Variants in PSMA2 observed in about 807,000 individuals in gnomAD.
PSMA2 encodes the protein proteasome subunit alpha type-2.
Under a neutral mutation model 35.9 loss-of-function variants are expected in PSMA2, and 2 were observed. The ratio of observed to expected loss-of-function variants is 0.06; its 90% CI spans 0.02 to 0.18. The LOEUF (loss-of-function observed/expected upper bound fraction) is 0.18, where lower values mean the gene tolerates loss of function less well. Ranked by LOEUF, PSMA2 falls within the 10% of genes least tolerant of loss-of-function variation. The pLI is 1.00. For missense variants in PSMA2, 126 were observed against 278.8 expected (o/e 0.45, Z 3.90); for synonymous variants, 97 against 98.2 (o/e 0.99, Z 0.07).
In PSMA2 at chr7:42,926,439, G is replaced by C. The variant is rs1399460109; in HGVS notation, c.251+97C>G. The C allele has an allele frequency of 8.1e-6, 11 of 1,361,406 alleles. No individual in the cohort carries two copies. In the East Asian group the frequency reaches 1.6e-4, roughly 19 times the overall value. The allele number at this position is 1,361,406 out of a possible 1,614,324, so 84.3% of individuals were successfully genotyped here. On this transcript the variant is annotated intron_variant, in intron 3 of 7. Coordinates refer to ENST00000223321, the MANE Select transcript of PSMA2 (RefSeq NM_002787.5). ...AAAGCACACAAAAAAAGAGGAACTGGAAGATTAAAGGAAAACAACCTTGGT... is the reference window on the plus strand; with the variant it reads ...AAAGCACACAAAAAAAGAGGAACTGCAAGATTAAAGGAAAACAACCTTGGT...
At chr7:42,930,227 A>ACACACACACG (rs1786278796) in intron 1 of PSMA2, among the ~76,000 whole-genome samples, 1 of 1,008 alleles carries the variant, frequency 9.9e-4, no homozygotes, top group Non-Finnish European at 8.5e-3. Context: ...ACACACACGC[A>ACACACACACG]CACACACACA....
At chr7:42,923,855 G>T (rs1025327540) in intron 4 of PSMA2, among the ~76,000 whole-genome samples, 1 of 151,026 alleles carries the variant, frequency 6.6e-6, no homozygotes, top group African/African-American at 2.4e-5. Flanking sequence ...ACAATTTTCA[G>T]TTAATGCAGC....
chr7:42,927,135 C>G (rs930075409), intron 2 of PSMA2, among the ~76,000 whole-genome samples: 1 of 151,918 alleles, frequency 6.6e-6, no homozygotes, highest in African/African-American at 2.4e-5. Context: ...AAAAAGAACT[C>G]AGTTTTCTGA....
Position 42,932,169 on chromosome 7 carries a change from A to G in PSMA2, c.-11T>C. 1 of 1,614,110 alleles carries G rather than the reference A, an allele frequency of 6.2e-7. No individual in the cohort carries two copies. Among genetic ancestry groups the G allele is most frequent in the Non-Finnish European group, 8.5e-7 (1 of 1,180,012 alleles). On this transcript the variant is annotated 5_prime_UTR_variant, in exon 1 of 8. Coordinates refer to ENST00000223321, the MANE Select transcript of PSMA2 (RefSeq NM_002787.5). ...CCCGCGCTCCGCCATCTTTACCCGA[A>G]GAGCCAAAGCACAGCCGCACACATG...
chr7:42,920,025 G>C (rs891923330), intron 6 of PSMA2: 1 of 691,216 alleles, frequency 1.4e-6, no homozygotes, highest in Non-Finnish European at 2.7e-6. Context: ...CAAGAGAAGA[G>C]CTAGAAGAAA....
At chr7:42,923,257 T>G (rs1786155114) in intron 5 of PSMA2, 68 bp downstream of exon 5, 1 of 1,207,740 alleles carries the variant, frequency 8.3e-7, no homozygotes. Context: ...TTTTTATGGC[T>G]TCTATTTCTG....
intron 6 of PSMA2, chr7:42,919,729 G>A (rs1041471405): frequency 2.3e-5 from 14 of 600,094 alleles, no homozygotes; most frequent in Non-Finnish European, 4.0e-5. Flanking sequence ...CATTAACTCT[G>A]AATCTCTTCA....
At chr7:42,919,843 C>CTATT in intron 6 of PSMA2, 1 of 743,554 alleles carries the variant, frequency 1.3e-6, no homozygotes, top group Non-Finnish European at 2.5e-6. Context: ...CACTCTGGTC[C>CTATT]TATTCACTGT....
chr7:42,920,466 T>C (rs901641748), intron 6 of PSMA2: 8 of 152,498 alleles, frequency 5.2e-5, no homozygotes, highest in African/African-American at 1.4e-4. Flanking sequence ...AATGTCTTTG[T>C]TGCTATTGTT....
Position 42,917,203 on chromosome 7 carries a change from T to A in PSMA2, c.*371A>T. ...CCTCCCAGCTCTAGAAGCAGTCATG[T>A]TTTTTACCAAAATCAGCATTTTGCT... On this transcript the variant is annotated 3_prime_UTR_variant, in exon 8 of 8. Transcript: ENST00000223321. 1 of 185,094 alleles carries A rather than the reference T, an allele frequency of 5.4e-6. No homozygotes were observed. The highest frequency in any genetic ancestry group is 1.1e-5 in the Non-Finnish European group (1 of 88,438). The allele number at this position is 185,094 out of a possible 1,614,324, so 11.5% of individuals were successfully genotyped here.
chr7:42,917,598 C>T lies in PSMA2; in HGVS notation c.681G>A (p.Lys227=). The part of the protein sequence containing the change: ...GFRRLTPTEV[K]DYLAAIA ...GTTATGCTATGGCAGCCAAGTAATC[C>T]TTAACTTCAGTTGGAGTAAGCCTCC... Residue 227 remains lysine (K), a synonymous_variant, in exon 8 of 8, where the codon AAG becomes AAA. Transcript: ENST00000223321. 1.9e-6 allele frequency: 3 copies of T among 1,612,434 alleles called. No individual in the cohort carries two copies. The highest frequency in any genetic ancestry group is 2.0e-4 in the Middle Eastern group (1 of 4,978).
Position 42,932,172 on chromosome 7 carries a change from GC to G in PSMA2, c.-15del. 1 of 1,614,078 alleles carries G rather than the reference GC, an allele frequency of 6.2e-7. No individual in the cohort carries two copies. The highest frequency in any genetic ancestry group is 8.5e-7 in the Non-Finnish European group (1 of 1,180,042). The stretch of plus-strand genomic sequence containing the variant: ...GCGCTCCGCCATCTTTACCCGAAGA[GC>G]CAAAGCACAGCCGCACACATGCGCA... On this transcript the variant is annotated 5_prime_UTR_variant, in exon 1 of 8. Coordinates refer to ENST00000223321, the MANE Select transcript of PSMA2 (RefSeq NM_002787.5).
At chr7:42,920,017 A>T in intron 6 of PSMA2, 1 of 703,812 alleles carries the variant, frequency 1.4e-6, no homozygotes, top group Non-Finnish European at 2.7e-6. Flanking sequence ...TCCAAAGACA[A>T]GAGAAGAGCT....
chr7:42,919,529 T>C (rs970096198), intron 6 of PSMA2: 1 of 512,640 alleles, frequency 2.0e-6, no homozygotes, highest in Admixed American at 2.3e-5. Flanking sequence ...TTTCTTCTGA[T>C]GACAAAACTG....
chr7:42,919,814 A>G lies in PSMA2; in HGVS notation c.531-1979T>C, dbSNP rs1583605230. ...AGTATGATGATAATAGTGGAGAAGAATTAGAATCCTACAAAGGACACTCTG... is the reference window on the plus strand; with the variant it reads ...AGTATGATGATAATAGTGGAGAAGAGTTAGAATCCTACAAAGGACACTCTG... On this transcript the variant is annotated intron_variant, in intron 6 of 7. Transcript: ENST00000223321. 5 of 704,772 alleles carry G rather than the reference A, an allele frequency of 7.1e-6. No homozygotes were observed. The East Asian group carries it at 1.3e-4, about 18-fold the overall frequency. The allele number at this position is 704,772 out of a possible 1,614,324, so 43.7% of individuals were successfully genotyped here.
chr7:42,920,802 T>C (rs971551161), intron 6 of PSMA2: 3 of 152,130 alleles, frequency 2.0e-5, no homozygotes, highest in African/African-American at 7.2e-5. Flanking sequence ...AGTTACGAAG[T>C]TTTTTATTAT....
chr7:42,920,903 G>A (rs537037489), intron 6 of PSMA2: 1 of 152,288 alleles, frequency 6.6e-6, no homozygotes, highest in Non-Finnish European at 1.5e-5. Context: ...GCCAGGCACA[G>A]AAAGATAAAT....
At chr7:42,931,034 T>C (rs1338935109) in intron 1 of PSMA2, 1 of 317,094 alleles carries the variant, frequency 3.2e-6, no homozygotes, top group East Asian at 1.1e-4. Context: ...CGTTATGTAA[T>C]GGAAAGTGTA....
intron 1 of PSMA2, among the ~76,000 whole-genome samples, chr7:42,929,223 A>G (rs1051716834): frequency 7.9e-5 from 12 of 152,196 alleles, no homozygotes; most frequent in Admixed American, 5.2e-4. Context: ...TGACAGCTTT[A>G]AGGCTCTTGA....
Sources: gnomAD v4.1 joint callset for allele counts (sites outside exome capture counted in the v4.1 genomes callset) on GRCh38, gnomAD v4.1.1 for gene constraint, MANE v1.5 for transcripts, NCBI Gene and HGNC (gene_info 2026-07-23, HGNC 2026-07-21) for gene names.